ALPK2: variants seen among roughly 807,000 people sequenced by gnomAD.
The protein encoded by ALPK2 is alpha kinase 2.
Under a neutral mutation model 163.1 loss-of-function variants are expected in ALPK2, and 127 were observed. That is an observed-to-expected ratio of 0.78 (90% CI 0.67 to 0.90). The LOEUF (loss-of-function observed/expected upper bound fraction) is 0.90, where lower values mean the gene tolerates loss of function less well. Ranked by LOEUF, ALPK2 falls within the 40% of genes least tolerant of loss-of-function variation. The pLI is 0.00. For missense variants in ALPK2, 2,360 were observed against 2,589.6 expected (o/e 0.91, Z 1.92); for synonymous variants, 953 against 959.1 (o/e 0.99, Z 0.12).
chr18:58,496,951 T>G (rs2051404216), intron 12 of ALPK2, among the ~76,000 whole-genome samples: 2 of 152,246 alleles, frequency 1.3e-5, no homozygotes, highest in South Asian at 4.1e-4. Context: ...TACCAGACAC[T>G]AGGGCCAGCC....
At chr18:58,616,261 CA>C (rs2052167597) in intron 1 of ALPK2, among the ~76,000 whole-genome samples, 1 of 152,156 alleles carries the variant, frequency 6.6e-6, no homozygotes, top group Non-Finnish European at 1.5e-5. Context: ...TCCTAACTCC[CA>C]TAGTCCTTGT....
At chr18:58,482,649 G>T (rs1337702521) in intron 12 of ALPK2, among the ~76,000 whole-genome samples, 1 of 152,126 alleles carries the variant, frequency 6.6e-6, no homozygotes, top group Non-Finnish European at 1.5e-5. Context: ...AAGAATTTTT[G>T]TCTCTGGCAG....
rs990708529 is a variant in ALPK2 at position 58,537,822 on chromosome 18, C to T, written c.2365G>A (p.Glu789Lys). The change falls in exon 5 of 13, where the codon GAA (glutamate) becomes AAA (lysine). Residue 789 changes from glutamate (E) to lysine (K), a missense_variant. Glu to Lys is a moderately conservative substitution (Grantham distance 56). Transcript: ENST00000361673. ...TCCCTTGGCTCATCACACACATTTT[C>T]CAGGGTGAGGGCAGTATCTGTGGGT... ...PEPTDTALTL[E>K]NVCDEPRDRE... 6.2e-7 allele frequency: 1 copy of T among 1,614,144 alleles called. No homozygotes were observed. Among genetic ancestry groups the T allele is most frequent in the South Asian group, 1.1e-5 (1 of 91,076 alleles).
At chr18:58,571,383 A>G (rs1356027671) in intron 4 of ALPK2, among the ~76,000 whole-genome samples, 1 of 151,368 alleles carries the variant, frequency 6.6e-6, no homozygotes. Flanking sequence ...CATAGTTACA[A>G]AGTCTTATCA....
chr18:58,513,373 G>T (rs73445123), intron 10 of ALPK2, among the ~76,000 whole-genome samples: 37 of 152,052 alleles, frequency 2.4e-4, no homozygotes, highest in Non-Finnish European at 4.6e-4. Context: ...CCCATGTACC[G>T]TCAGCATTCA....
rs374720131 is a variant in ALPK2 at position 58,585,060 on chromosome 18, ATAAAT to A, written c.228-4517_228-4513del. On this transcript the variant is annotated intron_variant, in intron 3 of 12. Coordinates refer to ENST00000361673, the MANE Select transcript of ALPK2 (RefSeq NM_052947.4). The stretch of plus-strand genomic sequence containing the variant: ...CTTGCTTGAATTCTCTAGGTTCTTT[ATAAAT>A]TAATCATTTCCTTATTAAAGAAAAA... 2.4e-4 allele frequency among the ~76,000 whole-genome samples: 36 copies of A among 152,318 alleles called. 1 individual carries two copies. In the East Asian group the frequency reaches 5.4e-3, roughly 23 times the overall value.
intron 2 of ALPK2, among the ~76,000 whole-genome samples, chr18:58,610,709 A>G (rs1373528167): frequency 6.6e-6 from 1 of 152,212 alleles, no homozygotes; most frequent in Non-Finnish European, 1.5e-5. Context: ...TGGGAGACCA[A>G]GGCAGGCAGA....
intron 1 of ALPK2, among the ~76,000 whole-genome samples, chr18:58,620,164 G>A (rs981630053): frequency 1.3e-5 from 2 of 152,164 alleles, no homozygotes; most frequent in Admixed American, 6.5e-5. Flanking sequence ...GGTGTCGGGT[G>A]CATGAAATCT....
chr18:58,511,210 C>A (rs968912323), intron 10 of ALPK2, among the ~76,000 whole-genome samples: 2 of 152,168 alleles, frequency 1.3e-5, no homozygotes, highest in Non-Finnish European at 2.9e-5. Flanking sequence ...ATATGTTGAA[C>A]CAGCCTTGCA....
chr18:58,566,483 C>T (rs921102701), intron 4 of ALPK2: 2 of 152,212 alleles, frequency 1.3e-5, no homozygotes, highest in Non-Finnish European at 2.9e-5. Context: ...CATCTTCTAT[C>T]ATAGCCAAAG....
Position 58,578,859 on chromosome 18 carries a change from A to C in ALPK2, c.1917T>G (p.Thr639=). ...NCKGEGMQVN[T]LFETSQVPDW... is the part of the protein sequence containing the mutation. ...CTGGAACCTGGCTTGTTTCAAATAG[A>C]GTATTAACTTGCATGCCTTCTCCCT... is the stretch of plus-strand genomic sequence containing the variant. The change falls in exon 4 of 13, where the codon ACT becomes ACG. Residue 639 remains threonine (T), a synonymous_variant. Transcript: ENST00000361673. 1 of 1,613,958 alleles carries C rather than the reference A, an allele frequency of 6.2e-7. No individual in the cohort carries two copies. Among genetic ancestry groups the C allele is most frequent in the Non-Finnish European group, 8.5e-7 (1 of 1,180,016 alleles).
intron 2 of ALPK2, among the ~76,000 whole-genome samples, chr18:58,608,984 AAG>A (rs1458858921): frequency 2.0e-5 from 3 of 151,458 alleles, no homozygotes; most frequent in Non-Finnish European, 4.4e-5. Flanking sequence ...AAGAAAAGAA[AAG>A]AAAAAACGGA....
chr18:58,608,189 A>G (rs1029545314), intron 2 of ALPK2, among the ~76,000 whole-genome samples: 1 of 152,266 alleles, frequency 6.6e-6, no homozygotes, highest in Non-Finnish European at 1.5e-5. Flanking sequence ...GTTATGGCAC[A>G]AAAGAGAGGA....
chr18:58,609,394 C>T (rs569720695), intron 2 of ALPK2, among the ~76,000 whole-genome samples: 6 of 152,282 alleles, frequency 3.9e-5, no homozygotes, highest in Non-Finnish European at 7.4e-5. Context: ...TCTTGTCAAC[C>T]CTGTGTCCTC....
chr18:58,484,752 T>TACA (rs1555659656), intron 12 of ALPK2, among the ~76,000 whole-genome samples: 3 of 149,696 alleles, frequency 2.0e-5, no homozygotes, highest in Admixed American at 6.6e-5. Context: ...CAAAAAATAA[T>TACA]ATAATAATAA....
intron 11 of ALPK2, among the ~76,000 whole-genome samples, chr18:58,502,592 C>T (rs1279337023): frequency 6.6e-6 from 1 of 152,206 alleles, no homozygotes; most frequent in Non-Finnish European, 1.5e-5. Flanking sequence ...TTGAGATCCT[C>T]ATCTGGGACA....
At chr18:58,571,220 C>T (rs566153114) in intron 4 of ALPK2, among the ~76,000 whole-genome samples, 140 of 152,072 alleles carry the variant, frequency 9.2e-4, no homozygotes, top group African/African-American at 3.1e-3. Context: ...CAGGGATTCA[C>T]CATGTTGGCC....
intron 4 of ALPK2, chr18:58,578,088 T>G (rs2051931387): frequency 6.6e-6 from 1 of 152,234 alleles, no homozygotes; most frequent in African/African-American, 2.4e-5. Context: ...TGTGCATTGA[T>G]TATTCCTATA....
rs190901865 is a variant in ALPK2, at chr18:58,551,597, C to T, written c.1963-13373G>A. On this transcript the variant is annotated intron_variant, in intron 4 of 12. Coordinates refer to ENST00000361673, the MANE Select transcript of ALPK2 (RefSeq NM_052947.4). ...TTCTTTTTCCAGCCTGTCCTTTTGG[C>T]CCCCCACTCCATGGTCTCCCATTTA... Among the ~76,000 whole-genome samples, 56 of 152,314 alleles carry T rather than the reference C, an allele frequency of 3.7e-4. No homozygotes were observed. In the South Asian group the frequency reaches 6.0e-3, roughly 16 times the overall value.
Sources: gnomAD v4.1 joint callset for allele counts (sites outside exome capture counted in the v4.1 genomes callset) on GRCh38, gnomAD v4.1.1 for gene constraint, MANE v1.5 for transcripts, NCBI Gene and HGNC (gene_info 2026-07-23, HGNC 2026-07-21) for gene names.